RPRD2: variants seen among roughly 807,000 people sequenced by gnomAD.
The protein encoded by RPRD2 is regulation of nuclear pre-mRNA domain-containing protein 2.
A neutral mutation model predicts 104.4 loss-of-function variants in RPRD2; 12 were observed. The ratio of observed to expected loss-of-function variants is 0.11; its 90% confidence interval spans 0.07 to 0.19. The LOEUF is 0.19. Among genes scored for constraint, RPRD2 ranks in the 10% least tolerant of loss-of-function variants. The probability of loss-of-function intolerance (pLI) is 1.00; values close to 1 mark genes in which losing one functional copy is unlikely to be tolerated. For synonymous variants in RPRD2, 714 were observed against 684.9 expected, an observed-to-expected ratio of 1.04 and a Z score of -0.66; for missense variants, 1,543 against 1,790.1, an observed-to-expected ratio of 0.86 and a Z score of 2.49.
At chr1:150,414,816 C>T (rs1320390693) in intron 1 of RPRD2, among the ~76,000 whole-genome samples, 1 of 152,000 alleles carries the variant, frequency 6.6e-6, no homozygotes, top group Non-Finnish European at 1.5e-5. Flanking sequence ...AAGAGTGGCT[C>T]CTATAATTAT....
chr1:150,462,469 A>T (rs1008677905), intron 9 of RPRD2, among the ~76,000 whole-genome samples: 1 of 151,902 alleles, frequency 6.6e-6, no homozygotes, highest in Non-Finnish European at 1.5e-5. Flanking sequence ...AAACAAAAAA[A>T]AAACCTGTAA....
chr1:150,429,934 C>CTAT, intron 2 of RPRD2, among the ~76,000 whole-genome samples: 1 of 152,306 alleles, frequency 6.6e-6, no homozygotes, highest in East Asian at 1.9e-4. Flanking sequence ...AACATTAATA[C>CTAT]TATGTGATTT....
chr1:150,402,376 A>G (rs1240668991), intron 1 of RPRD2, among the ~76,000 whole-genome samples: 1 of 152,216 alleles, frequency 6.6e-6, no homozygotes, highest in African/African-American at 2.4e-5. Flanking sequence ...TTTATTTATC[A>G]TATAAAAATG....
chr1:150,450,605 C>CAA (rs1186175962), intron 7 of RPRD2, among the ~76,000 whole-genome samples: 42 of 50,538 alleles, frequency 8.3e-4, no homozygotes, highest in African/African-American at 2.8e-3. Flanking sequence ...GACTCCGTCT[C>CAA]AAAAAAAAAA....
chr1:150,445,905 A>G (rs1283876862), intron 6 of RPRD2, among the ~76,000 whole-genome samples: 2 of 152,040 alleles, frequency 1.3e-5, no homozygotes, highest in Non-Finnish European at 2.9e-5. Flanking sequence ...CATCTCCGCT[A>G]AAAATACAAA....
chr1:150,382,289 A>G (rs1661197261), intron 1 of RPRD2, among the ~76,000 whole-genome samples: 2 of 152,194 alleles, frequency 1.3e-5, no homozygotes, highest in South Asian at 4.1e-4. Context: ...TATTTTGATT[A>G]TTTCAAGGAC....
intron 7 of RPRD2, among the ~76,000 whole-genome samples, chr1:150,448,884 GTT>G (rs1395530687): frequency 1.3e-5 from 2 of 151,724 alleles, no homozygotes; most frequent in East Asian, 3.9e-4. Context: ...TTTTTTCTTG[GTT>G]TCTATCATTG....
intron 2 of RPRD2, among the ~76,000 whole-genome samples, chr1:150,433,656 G>C (rs1665774027): frequency 6.7e-6 from 1 of 148,692 alleles, no homozygotes; most frequent in Admixed American, 6.7e-5. Flanking sequence ...GTGTTAGCCA[G>C]GATGGTCTCA....
intron 1 of RPRD2, among the ~76,000 whole-genome samples, chr1:150,373,533 CTTTTTTTTT>C (rs56743462): frequency 3.8e-4 from 37 of 97,418 alleles, no homozygotes; most frequent in Admixed American, 1.9e-3. Flanking sequence ...TCAAGAATGA[CTTTTTTTTT>C]TTTTTTTTTT....
chr1:150,456,041 G>A (rs587719517), intron 7 of RPRD2, among the ~76,000 whole-genome samples: 56 of 152,092 alleles, frequency 3.7e-4, no homozygotes, highest in Admixed American at 2.0e-3. Flanking sequence ...TGTTGCCCAG[G>A]CTGGTCTTGA....
In RPRD2 at chr1:150,468,307, T is replaced by C. The variant is rs587754506; in HGVS notation, c.1613-2254T>C. ...GAGTTTGAGACCAGCCTGGTCAATA[T>C]AGCAAAACCCCTATCTCTATTGTTT... On this transcript the variant is annotated intron_variant, in intron 10 of 10. Coordinates refer to ENST00000369068, the MANE Select transcript of RPRD2 (RefSeq NM_015203.5). Among the ~76,000 whole-genome samples the C allele has an allele frequency of 5.3e-5, 8 of 151,056 alleles. No individual in the cohort carries two copies. In the South Asian group the frequency reaches 1.5e-3, roughly 28 times the overall value.
intron 1 of RPRD2, among the ~76,000 whole-genome samples, chr1:150,400,933 TTGGGAGGCCAAGG>T (rs1450350502): frequency 2.6e-5 from 4 of 152,018 alleles, no homozygotes; most frequent in African/African-American, 9.7e-5. Context: ...TCCCAGCACT[TTGGGAGGCCAAGG>T]TGGGTGGATC....
intron 1 of RPRD2, among the ~76,000 whole-genome samples, chr1:150,404,018 G>A (rs781794141): frequency 6.6e-5 from 10 of 151,950 alleles, no homozygotes; most frequent in South Asian, 2.1e-4. Context: ...TCAACTTTAC[G>A]TTAATAATTT....
At chr1:150,437,048 A>C (rs1166691286) in intron 2 of RPRD2, among the ~76,000 whole-genome samples, 3 of 151,216 alleles carry the variant, frequency 2.0e-5, no homozygotes, top group Non-Finnish European at 4.5e-5. Context: ...TCTATTATTA[A>C]AAAAAGAAAG....
At chr1:150,393,555 T>C (rs1553883603) in intron 1 of RPRD2, among the ~76,000 whole-genome samples, 2 of 150,508 alleles carry the variant, frequency 1.3e-5, no homozygotes, top group Admixed American at 6.6e-5. Context: ...TATCACCCCA[T>C]AGATTATGAG....
At chr1:150,397,749 T>C (rs1662640183) in intron 1 of RPRD2, among the ~76,000 whole-genome samples, 1 of 152,054 alleles carries the variant, frequency 6.6e-6, no homozygotes, top group Non-Finnish European at 1.5e-5. Flanking sequence ...AAACATTTCT[T>C]ATTTATTTAT....
rs1668633997 is a variant in RPRD2, at chr1:150,472,198, C to T, written c.3250C>T (p.Pro1084Ser). 12 of 1,613,840 alleles carry T rather than the reference C, an allele frequency of 7.4e-6. No homozygotes were observed. Among genetic ancestry groups the T allele is most frequent in the Non-Finnish European group, 1.0e-5 (12 of 1,179,884 alleles). ...TGATAGCACAGAAGAAAAGGGGGCC[C>T]CTATAGAAACCTTGGGTTATCACAG... The part of the protein sequence containing the change: ...LPDSTEEKGA[P>S]IETLGYHSAS... The change falls in exon 11 of 11, where the codon CCT becomes TCT. Residue 1084 changes from proline (P) to serine (S), a missense_variant. By Grantham distance (74) the Pro-to-Ser change is moderately conservative. Coordinates refer to ENST00000369068, the MANE Select transcript of RPRD2 (RefSeq NM_015203.5).
At chr1:150,449,784 C>T (rs1281442724) in intron 7 of RPRD2, among the ~76,000 whole-genome samples, 2 of 152,152 alleles carry the variant, frequency 1.3e-5, no homozygotes, top group Non-Finnish European at 2.9e-5. Flanking sequence ...TCACCCATAA[C>T]AAATGGCTTC....
chr1:150,371,759 A>G (rs1157198766), intron 1 of RPRD2, among the ~76,000 whole-genome samples: 1 of 152,154 alleles, frequency 6.6e-6, no homozygotes, highest in African/African-American at 2.4e-5. Context: ...TTCTTGATCT[A>G]CAGTATACAC....
Sources: gnomAD v4.1 joint callset for allele counts (sites outside exome capture counted in the v4.1 genomes callset) on GRCh38, gnomAD v4.1.1 for gene constraint, MANE v1.5 for transcripts, NCBI Gene and HGNC (gene_info 2026-07-23, HGNC 2026-07-21) for gene names.